Variants in FGF13 observed in about 807,000 individuals in gnomAD.
The protein encoded by FGF13 is fibroblast growth factor homologous factor 2.
In FGF13, 2 loss-of-function variants were observed where a neutral mutation model predicts 19.5. The ratio of observed to expected loss-of-function variants is 0.10; its 90% CI spans 0.04 to 0.32. FGF13 has a LOEUF of 0.32. FGF13 is among the 10% of genes least tolerant of loss of function. The pLI, the probability that FGF13 is intolerant of heterozygous loss-of-function variation, is 1.00. For missense variants in FGF13, 113 were observed against 192.7 expected (o/e 0.59, Z 2.45); for synonymous variants, 72 against 76.9 (o/e 0.94, Z 0.33).
chrX:138,778,975 A>G (rs1019608139), intron 3 of FGF13, among the ~76,000 whole-genome samples: 4 of 112,549 alleles, frequency 3.6e-5, no homozygotes, highest in South Asian at 3.7e-4. Context: ...ATCTGAGAAC[A>G]GGCAGACTGC....
At chrX:138,948,931 G>A (rs963900703) in intron 1 of FGF13, among the ~76,000 whole-genome samples, 7 of 112,028 alleles carry the variant, frequency 6.2e-5, no homozygotes, top group African/African-American at 2.3e-4. Flanking sequence ...GGCAGAATGG[G>A]TGAATTAGAG....
chrX:138,736,003 C>T (rs747841834), intron 1 of FGF13, among the ~76,000 whole-genome samples: 20 of 112,220 alleles, frequency 1.8e-4, no homozygotes, highest in Non-Finnish European at 3.6e-4. Flanking sequence ...AAACGAGAGA[C>T]ACTTATACTG....
chrX:138,763,725 T>A (rs765751775), intron 3 of FGF13, among the ~76,000 whole-genome samples: 31 of 111,673 alleles, frequency 2.8e-4, no homozygotes, highest in Non-Finnish European at 4.1e-4. Flanking sequence ...TCACCAGCTG[T>A]AAAACATGGC....
At chrX:138,836,241 G>T (rs1163646781) in intron 3 of FGF13, among the ~76,000 whole-genome samples, 1 of 111,937 alleles carries the variant, frequency 8.9e-6, no homozygotes, top group Non-Finnish European at 1.9e-5. Context: ...CTCAAGCTAG[G>T]CTGGAGAAGT....
intron 1 of FGF13, among the ~76,000 whole-genome samples, chrX:139,200,981 C>T (rs751135398): frequency 2.7e-5 from 3 of 112,030 alleles, no homozygotes; most frequent in African/African-American, 3.2e-5. Flanking sequence ...ACAGATCCTC[C>T]GGTCCAAGAG....
Position 138,626,197 on chromosome X carries a change from G to A in FGF13, c.*6653C>T, listed in dbSNP as rs969672813. ...CTGGTAATGAGGTATGATGGAATGA[G>A]GCACTGTAGAAAGATTGCTCCTTTC... On this transcript the variant is annotated 3_prime_UTR_variant, in exon 5 of 5. Coordinates refer to ENST00000315930, the MANE Select transcript of FGF13 (RefSeq NM_004114.5). 3.6e-5 allele frequency: 4 copies of A among 112,049 alleles called. No homozygotes were observed. Among genetic ancestry groups the A allele is most frequent in the Non-Finnish European group, 7.5e-5 (4 of 53,169 alleles). The allele number at this position is 112,049 out of a possible 1,213,427, so 9.2% of individuals were successfully genotyped here.
chrX:138,735,917 T>C (rs2090271021), intron 1 of FGF13, among the ~76,000 whole-genome samples: 1 of 112,418 alleles, frequency 8.9e-6, no homozygotes, highest in Non-Finnish European at 1.9e-5. Flanking sequence ...GGCTCCTTTC[T>C]TTACTGCATA....
intron 1 of FGF13, among the ~76,000 whole-genome samples, chrX:139,159,972 G>C (rs1221586560): frequency 1.8e-5 from 2 of 111,413 alleles, no homozygotes; most frequent in African/African-American, 6.5e-5. Flanking sequence ...CTTGAACTCA[G>C]CTCTGGACCA....
intron 1 of FGF13, among the ~76,000 whole-genome samples, chrX:138,878,461 C>A (rs756477748): frequency 9.3e-6 from 1 of 107,121 alleles, no homozygotes; most frequent in Non-Finnish European, 1.9e-5. Context: ...TTCATCCCTG[C>A]CCCTACAAAG....
chrX:138,905,154 G>A (rs1210245328), intron 1 of FGF13, among the ~76,000 whole-genome samples: 2 of 110,991 alleles, frequency 1.8e-5, no homozygotes, highest in Non-Finnish European at 3.8e-5. Flanking sequence ...CTTGGGACAG[G>A]GACCTTACTG....
chrX:138,974,003 T>C (rs1176538752), intron 1 of FGF13, among the ~76,000 whole-genome samples: 1 of 111,400 alleles, frequency 9.0e-6, no homozygotes, highest in Non-Finnish European at 1.9e-5. Flanking sequence ...AGAAGAGAGA[T>C]CTGAGTTGAA....
intron 2 of FGF13, among the ~76,000 whole-genome samples, chrX:138,859,607 CT>C (rs780196064): frequency 1.8e-5 from 2 of 112,421 alleles, no homozygotes; most frequent in East Asian, 2.8e-4. Flanking sequence ...AGCTAATAGC[CT>C]TTGGCTGACT....
intron 1 of FGF13, among the ~76,000 whole-genome samples, chrX:139,070,752 G>A (rs2092373904): frequency 8.9e-6 from 1 of 112,054 alleles, no homozygotes; most frequent in African/African-American, 3.2e-5. Flanking sequence ...TGATAGAGTG[G>A]ATAAAGAAAA....
At chrX:138,973,198 A>G (rs892913880) in intron 1 of FGF13, among the ~76,000 whole-genome samples, 1 of 110,906 alleles carries the variant, frequency 9.0e-6, no homozygotes, top group Admixed American at 9.6e-5. Context: ...AGGCTTTTGT[A>G]TGTTGTGTTT....
chrX:138,932,963 C>T (rs942409094), intron 1 of FGF13, among the ~76,000 whole-genome samples: 1 of 111,073 alleles, frequency 9.0e-6, no homozygotes, highest in Non-Finnish European at 1.9e-5. Flanking sequence ...AATTTTAGGC[C>T]CACCTCTGCC....
chrX:139,028,801 T>C (rs764236759), intron 1 of FGF13, among the ~76,000 whole-genome samples: 1 of 110,046 alleles, frequency 9.1e-6, no homozygotes, highest in Non-Finnish European at 1.9e-5. Flanking sequence ...TTTAATCTGT[T>C]TTATACACAT....
intron 3 of FGF13, among the ~76,000 whole-genome samples, chrX:138,787,305 C>G (rs1286461555): frequency 8.9e-6 from 1 of 112,358 alleles, no homozygotes; most frequent in African/African-American, 3.2e-5. Context: ...CTCCCCATAA[C>G]AGACACTGGA....
chrX:139,152,151 G>A (rs1195166724), intron 1 of FGF13, among the ~76,000 whole-genome samples: 1 of 110,667 alleles, frequency 9.0e-6, no homozygotes, highest in Non-Finnish European at 1.9e-5. Flanking sequence ...ATTCCCTGAA[G>A]ATGGAAAACA....
chrX:138,865,189 G>A (rs1470238088), intron 1 of FGF13, among the ~76,000 whole-genome samples: 2 of 111,663 alleles, frequency 1.8e-5, no homozygotes, highest in Admixed American at 9.5e-5. Flanking sequence ...TGCCCAGTAC[G>A]AACGCAATCT....
Sources: gnomAD v4.1 joint callset for allele counts (sites outside exome capture counted in the v4.1 genomes callset) on GRCh38, gnomAD v4.1.1 for gene constraint, MANE v1.5 for transcripts, NCBI Gene and HGNC (gene_info 2026-07-23, HGNC 2026-07-21) for gene names.